Variants in FGF12 observed in about 807,000 individuals in gnomAD.
The protein encoded by FGF12 is fibroblast growth factor 12B.
Under a neutral mutation model 23.6 loss-of-function variants are expected in FGF12, and 14 were observed. The ratio of observed to expected loss-of-function variants is 0.59; its 90% CI spans 0.39 to 0.93. FGF12 has a LOEUF of 0.93. Ranked by LOEUF, FGF12 falls within the 40% of genes least tolerant of loss-of-function variation. The pLI is 0.00. For missense variants in FGF12, 175 were observed against 217.8 expected (o/e 0.80, Z 1.24); for synonymous variants, 62 against 77.3 (o/e 0.80, Z 1.04).
intron 2 of FGF12, among the ~76,000 whole-genome samples, chr3:192,379,248 T>C (rs529553717): frequency 6.6e-6 from 1 of 152,304 alleles, no homozygotes; most frequent in African/African-American, 2.4e-5. Context: ...ATTTCCCAAA[T>C]GACTGTGTGA....
intron 4 of FGF12, among the ~76,000 whole-genome samples, chr3:192,218,690 C>A (rs957704537): frequency 6.6e-6 from 1 of 152,230 alleles, no homozygotes; most frequent in African/African-American, 2.4e-5. Context: ...TACTTCTTTA[C>A]AGCAGTGCAA....
intron 2 of FGF12, among the ~76,000 whole-genome samples, chr3:192,643,482 C>T (rs1184215158): frequency 6.6e-6 from 1 of 152,048 alleles, no homozygotes; most frequent in Non-Finnish European, 1.5e-5. Context: ...ACCATGAGCT[C>T]TCTCCTTCAT....
intron 2 of FGF12, among the ~76,000 whole-genome samples, chr3:192,499,458 G>C (rs1206524695): frequency 3.8e-5 from 5 of 132,798 alleles, no homozygotes; most frequent in African/African-American, 1.1e-4. Flanking sequence ...CCAACTAAAA[G>C]GGTGCATTCA....
At chr3:192,439,174 T>C (rs1402676413) in intron 2 of FGF12, among the ~76,000 whole-genome samples, 6 of 152,240 alleles carry the variant, frequency 3.9e-5, no homozygotes, top group Non-Finnish European at 7.3e-5. Flanking sequence ...AAAGCTTTTA[T>C]TAAAATAGTA....
chr3:192,677,184 A>T (rs1717355735), intron 2 of FGF12, among the ~76,000 whole-genome samples: 1 of 152,204 alleles, frequency 6.6e-6, no homozygotes, highest in Admixed American at 6.5e-5. Flanking sequence ...TCAAACAGTG[A>T]CCTTCCTCCT....
chr3:192,613,606 T>G (rs1255034309), intron 2 of FGF12, among the ~76,000 whole-genome samples: 1 of 151,886 alleles, frequency 6.6e-6, no homozygotes, highest in Non-Finnish European at 1.5e-5. Flanking sequence ...TCCAGATATT[T>G]TATAAAAATT....
intron 2 of FGF12, among the ~76,000 whole-genome samples, chr3:192,575,243 AT>A (rs1202724892): frequency 2.0e-5 from 3 of 152,206 alleles, no homozygotes; most frequent in African/African-American, 7.2e-5. Flanking sequence ...TGGGGATGCA[AT>A]TGTTATATTC....
chr3:192,686,786 C>CA (rs1168484476), intron 2 of FGF12, among the ~76,000 whole-genome samples: 4 of 101,300 alleles, frequency 3.9e-5, no homozygotes, highest in Non-Finnish European at 4.0e-5. Flanking sequence ...ACTTAAAGTA[C>CA]AAAAAAAAGA....
At chr3:192,460,470 A>G (rs1722826989) in intron 2 of FGF12, among the ~76,000 whole-genome samples, 1 of 152,048 alleles carries the variant, frequency 6.6e-6, no homozygotes, top group Non-Finnish European at 1.5e-5. Flanking sequence ...AGGCTCATGT[A>G]TCAGGTCTCT....
intron 4 of FGF12, among the ~76,000 whole-genome samples, chr3:192,222,701 A>G (rs1470490382): frequency 1.3e-5 from 2 of 152,134 alleles, no homozygotes; most frequent in Non-Finnish European, 1.5e-5. Flanking sequence ...AATTAATCTT[A>G]AGAATATACT....
At chr3:192,343,320 A>G (rs1717789868) in intron 3 of FGF12, among the ~76,000 whole-genome samples, 1 of 152,186 alleles carries the variant, frequency 6.6e-6, no homozygotes, top group Admixed American at 6.5e-5. Flanking sequence ...CATTTCCCAC[A>G]TCTCAAAATG....
At chr3:192,586,086 A>G (rs909465243) in intron 2 of FGF12, among the ~76,000 whole-genome samples, 3 of 152,204 alleles carry the variant, frequency 2.0e-5, no homozygotes, top group Admixed American at 6.5e-5. Context: ...CCAAGTGTAC[A>G]TGTGAAAGCC....
chr3:192,652,804 T>G (rs1406447486), intron 2 of FGF12, among the ~76,000 whole-genome samples: 1 of 152,186 alleles, frequency 6.6e-6, no homozygotes. Flanking sequence ...AAAACGTCAG[T>G]TCTAACCCAG....
chr3:192,534,635 C>T (rs567058357), intron 2 of FGF12, among the ~76,000 whole-genome samples: 6 of 152,180 alleles, frequency 3.9e-5, no homozygotes, highest in African/African-American at 1.4e-4. Flanking sequence ...CAAGAGATCT[C>T]CCTGCCTTGG....
chr3:192,656,630 C>T (rs1213812376), intron 2 of FGF12, among the ~76,000 whole-genome samples: 1 of 152,104 alleles, frequency 6.6e-6, no homozygotes, highest in East Asian at 1.9e-4. Flanking sequence ...AGCCTCCCAC[C>T]TCCAAACCAA....
chr3:192,690,779 A>T (rs1717919831), intron 2 of FGF12, among the ~76,000 whole-genome samples: 1 of 152,010 alleles, frequency 6.6e-6, no homozygotes, highest in Admixed American at 6.6e-5. Flanking sequence ...TTTAAAAAAG[A>T]CAAGACCCAA....
At chr3:192,434,796 T>C (rs1721966166) in intron 2 of FGF12, among the ~76,000 whole-genome samples, 1 of 152,142 alleles carries the variant, frequency 6.6e-6, no homozygotes, top group Admixed American at 6.6e-5. Flanking sequence ...CCCAGAATGC[T>C]GTTTATTAGT....
At chr3:192,602,857 T>C (rs914279091) in intron 2 of FGF12, among the ~76,000 whole-genome samples, 11 of 152,102 alleles carry the variant, frequency 7.2e-5, no homozygotes, top group African/African-American at 2.4e-4. Context: ...AGTAAGCTTC[T>C]TTCCTAGGAG....
chr3:192,545,374 C>T (rs1408446301), intron 2 of FGF12, among the ~76,000 whole-genome samples: 4 of 152,188 alleles, frequency 2.6e-5, no homozygotes, highest in Non-Finnish European at 5.9e-5. Context: ...GGACAGTGAG[C>T]ATCACAAATA....
Sources: gnomAD v4.1 joint callset for allele counts (sites outside exome capture counted in the v4.1 genomes callset) on GRCh38, gnomAD v4.1.1 for gene constraint, MANE v1.5 for transcripts, NCBI Gene and HGNC (gene_info 2026-07-23, HGNC 2026-07-21) for gene names.